TNIK: variants seen among roughly 807,000 people sequenced by gnomAD.
TNIK encodes the protein TRAF2 and NCK-interacting protein kinase.
A neutral mutation model predicts 191.3 loss-of-function variants in TNIK; 49 were observed. The observed-to-expected ratio is 0.26, with a 90% confidence interval of 0.20 to 0.32. TNIK has a LOEUF of 0.32. Ranked by LOEUF, TNIK falls within the 10% of genes least tolerant of loss-of-function variation. The pLI is 1.00. For synonymous variants in TNIK, 594 were observed against 600.9 expected (o/e 0.99, Z 0.17); for missense variants, 1,155 against 1,702.3 (o/e 0.68, Z 5.66).
At chr3:171,197,623 T>G (rs998208900) in intron 4 of TNIK, among the ~76,000 whole-genome samples, 3 of 152,150 alleles carry the variant, frequency 2.0e-5, no homozygotes, top group Non-Finnish European at 4.4e-5. Context: ...CCAAAGAAGA[T>G]ATACAAATGG....
chr3:171,428,639 T>A (rs575679890), intron 1 of TNIK, among the ~76,000 whole-genome samples: 1 of 108,886 alleles, frequency 9.2e-6, no homozygotes, highest in Non-Finnish European at 1.7e-5. Context: ...CCACTACAGA[T>A]AACTCTGCTT....
At chr3:171,383,058 A>G (rs1205405186) in intron 1 of TNIK, among the ~76,000 whole-genome samples, 3 of 152,190 alleles carry the variant, frequency 2.0e-5, no homozygotes, top group Admixed American at 6.5e-5. Flanking sequence ...TAGATTGCTC[A>G]CAAGAGAAAA....
chr3:171,424,339 G>A (rs1350709952), intron 1 of TNIK, among the ~76,000 whole-genome samples: 1 of 152,206 alleles, frequency 6.6e-6, no homozygotes, highest in Non-Finnish European at 1.5e-5. Context: ...AACAACAGGT[G>A]CTGGAGAGGA....
At chr3:171,415,973 C>CAAAAAAAAAAAA (rs769531813) in intron 1 of TNIK, among the ~76,000 whole-genome samples, 11 of 12,562 alleles carry the variant, frequency 8.8e-4, no homozygotes, top group Non-Finnish European at 1.3e-3. Context: ...GAGACTGTCT[C>CAAAAAAAAAAAA]AAAAAAAAAA....
chr3:171,155,287 C>T (rs1362198626), intron 12 of TNIK, among the ~76,000 whole-genome samples: 15 of 152,140 alleles, frequency 9.9e-5, no homozygotes, highest in East Asian at 3.9e-4. Flanking sequence ...GAGCAGGACA[C>T]AGCAGAAGAG....
intron 2 of TNIK, among the ~76,000 whole-genome samples, chr3:171,326,143 C>T (rs764437445): frequency 3.3e-5 from 5 of 151,960 alleles, no homozygotes; most frequent in Non-Finnish European, 7.4e-5. Context: ...CCACCCAGAA[C>T]CTTGAATAGA....
At chr3:171,376,821 AATACTG>A (rs999026434) in intron 1 of TNIK, among the ~76,000 whole-genome samples, 1 of 150,084 alleles carries the variant, frequency 6.7e-6, no homozygotes, top group African/African-American at 2.5e-5. Context: ...AGGTAGGTAA[AATACTG>A]ATTGTTGATT....
chr3:171,150,099 G>A lies in TNIK; in HGVS notation c.1221+7361C>T, dbSNP rs548306746. Among the ~76,000 whole-genome samples the A allele has an allele frequency of 2.0e-5, 3 of 152,264 alleles. No individual in the cohort carries two copies. In the South Asian group the frequency reaches 6.2e-4, roughly 32 times the overall value. On this transcript the variant is annotated intron_variant, in intron 12 of 32. Coordinates refer to ENST00000436636, the MANE Select transcript of TNIK (RefSeq NM_015028.4). Reference sequence around the variant, plus strand: ...CACACGATTTTCCTGTCTCCTTCTTGTGCCCACTGTACTTGCCTAGGCTTC... The same window carrying A: ...CACACGATTTTCCTGTCTCCTTCTTATGCCCACTGTACTTGCCTAGGCTTC...
At chr3:171,075,987 T>C (rs1051203930) in intron 28 of TNIK, among the ~76,000 whole-genome samples, 29 of 152,182 alleles carry the variant, frequency 1.9e-4, no homozygotes, top group African/African-American at 7.0e-4. Context: ...CCACGTGCTT[T>C]GGCCTCCCAA....
intron 24 of TNIK, among the ~76,000 whole-genome samples, chr3:171,086,948 A>G (rs1045660888): frequency 6.6e-6 from 1 of 152,240 alleles, no homozygotes; most frequent in African/African-American, 2.4e-5. Flanking sequence ...TACTTAAGTC[A>G]TACTTAGTTT....
At chr3:171,330,568 G>C (rs1304070926) in intron 2 of TNIK, among the ~76,000 whole-genome samples, 1 of 152,146 alleles carries the variant, frequency 6.6e-6, no homozygotes, top group Non-Finnish European at 1.5e-5. Flanking sequence ...GTAGGGGGTT[G>C]TTTTGCCCTA....
chr3:171,235,234 G>C (rs978840260), intron 2 of TNIK, among the ~76,000 whole-genome samples: 3 of 152,086 alleles, frequency 2.0e-5, no homozygotes, highest in Non-Finnish European at 2.9e-5. Flanking sequence ...TAGAGCCAGG[G>C]TTTCGCCATG....
chr3:171,115,590 G>A (rs150167631), intron 18 of TNIK, among the ~76,000 whole-genome samples: 32 of 152,332 alleles, frequency 2.1e-4, no homozygotes, highest in African/African-American at 6.0e-4. Context: ...GGGAACAGTC[G>A]GAGCAGACAT....
At chr3:171,402,300 T>A (rs1308726427) in intron 1 of TNIK, among the ~76,000 whole-genome samples, 1 of 152,218 alleles carries the variant, frequency 6.6e-6, no homozygotes, top group East Asian at 1.9e-4. Context: ...AAAGGATTTG[T>A]GGAAGTTGGC....
At chr3:171,316,004 C>T (rs965839501) in intron 2 of TNIK, among the ~76,000 whole-genome samples, 1 of 152,106 alleles carries the variant, frequency 6.6e-6, no homozygotes, top group African/African-American at 2.4e-5. Context: ...GCCTTCTTAA[C>T]CAAGAAAGAG....
At chr3:171,414,545 A>T (rs925041973) in intron 1 of TNIK, among the ~76,000 whole-genome samples, 1 of 152,210 alleles carries the variant, frequency 6.6e-6, no homozygotes, top group African/African-American at 2.4e-5. Context: ...AGCAGCCCCA[A>T]TCAGATAACC....
At chr3:171,245,672 ATTT>A (rs1369360964) in intron 2 of TNIK, among the ~76,000 whole-genome samples, 1 of 151,908 alleles carries the variant, frequency 6.6e-6, no homozygotes, top group Non-Finnish European at 1.5e-5. Flanking sequence ...CTGTGTACTA[ATTT>A]TTACAGTTTA....
At chr3:171,270,890 A>G (rs1435541857) in intron 2 of TNIK, among the ~76,000 whole-genome samples, 1 of 152,270 alleles carries the variant, frequency 6.6e-6, no homozygotes, top group Non-Finnish European at 1.5e-5. Context: ...AGTCTGGCAC[A>G]TAACAAGTGG....
intron 15 of TNIK, among the ~76,000 whole-genome samples, chr3:171,134,467 A>G (rs1379525156): frequency 6.6e-6 from 1 of 152,052 alleles, no homozygotes; most frequent in Non-Finnish European, 1.5e-5. Flanking sequence ...TTATCTGTAG[A>G]GACACGGTTT....
Sources: allele counts gnomAD v4.1 joint callset (sites outside exome capture counted in the v4.1 genomes callset), GRCh38; gene constraint gnomAD v4.1.1; transcripts MANE v1.5; gene names NCBI Gene and HGNC (gene_info 2026-07-23, HGNC 2026-07-21).